The following PI4K2B variants were observed in gnomAD, a reference collection of about 807,000 sequenced individuals.
PI4K2B encodes the protein phosphatidylinositol 4-kinase type 2-beta.
A neutral mutation model predicts 56.6 loss-of-function variants in PI4K2B; 46 were observed. The ratio of observed to expected loss-of-function variants is 0.81; its 90% CI spans 0.64 to 1.04. The LOEUF is 1.04. Ranked by LOEUF, PI4K2B falls within the 50% of genes least tolerant of loss-of-function variation. PI4K2B has a pLI of 0.00. For missense variants in PI4K2B, 556 were observed against 607.7 expected (o/e 0.91, Z 0.89); for synonymous variants, 211 against 223.8 (o/e 0.94, Z 0.51).
At chr4:25,250,438 C>T (rs1413482766) in intron 1 of PI4K2B, 2 of 152,044 alleles carry the variant, frequency 1.3e-5, no homozygotes, top group East Asian at 3.9e-4. Context: ...TATACCAGGG[C>T]CTTTCAGAAG....
At position 25,259,169 on chromosome 4, in the gene PI4K2B, G is replaced by A. The variant is rs760167230; in HGVS notation, c.889G>A (p.Asp297Asn). 1.3e-6 allele frequency: 2 copies of A among 1,570,670 alleles called. No homozygotes were observed. The highest frequency in any genetic ancestry group is 1.4e-5 in the African/African-American group (1 of 73,854). Residue 297 changes from aspartate (D) to asparagine (N), a missense_variant, in exon 5 of 10, where the codon GAT becomes AAT. Asp to Asn is a conservative substitution (Grantham distance 23). Transcript: ENST00000264864. ...ACAATTTGAAAGATTAGTTATTTTGGATTACATCATCAGAAATACAGGTAT... is the reference window on the plus strand; with the variant it reads ...ACAATTTGAAAGATTAGTTATTTTGAATTACATCATCAGAAATACAGGTAT... ...QSQFERLVILDYIIRNTDRGN... is the reference protein window; with the variant it reads ...QSQFERLVILNYIIRNTDRGN...
chr4:25,243,554 G>A (rs1002392375), intron 1 of PI4K2B, among the ~76,000 whole-genome samples: 1 of 152,192 alleles, frequency 6.6e-6, no homozygotes. Flanking sequence ...GAGGTTGCCA[G>A]GTTTAATAAT....
intron 6 of PI4K2B, among the ~76,000 whole-genome samples, chr4:25,261,781 A>C (rs1056477408): frequency 6.6e-5 from 10 of 152,248 alleles, no homozygotes; most frequent in African/African-American, 2.4e-4. Flanking sequence ...CTAGTGACAG[A>C]AAACAGACCA....
At chr4:25,247,952 C>T (rs879446967) in intron 1 of PI4K2B, among the ~76,000 whole-genome samples, 2 of 152,212 alleles carry the variant, frequency 1.3e-5, no homozygotes, top group South Asian at 4.1e-4. Context: ...ACCCTCCTGC[C>T]TCAGTCTCCC....
At chr4:25,264,004 C>A (rs1007064821) in intron 7 of PI4K2B, among the ~76,000 whole-genome samples, 155 bp downstream of exon 7, 18 of 152,140 alleles carry the variant, frequency 1.2e-4, no homozygotes, top group African/African-American at 4.3e-4. Flanking sequence ...CAAATGTATA[C>A]TACAGGGTCT....
chr4:25,257,035 CG>C (rs1294777640), intron 4 of PI4K2B, among the ~76,000 whole-genome samples: 1 of 148,948 alleles, frequency 6.7e-6, no homozygotes, highest in Non-Finnish European at 1.5e-5. Flanking sequence ...GAACTTACCT[CG>C]GGTAAGTTCT....
chr4:25,246,204 T>C (rs561074107), intron 1 of PI4K2B, among the ~76,000 whole-genome samples: 3 of 152,100 alleles, frequency 2.0e-5, no homozygotes, highest in Admixed American at 1.3e-4. Flanking sequence ...GCTTCCACAG[T>C]GTGGAAGGGG....
At position 25,234,063 on chromosome 4, in the gene PI4K2B, C is replaced by G. The variant is rs1284499623; in HGVS notation, c.-101C>G. On this transcript the variant is annotated 5_prime_UTR_variant, in exon 1 of 10. Coordinates refer to ENST00000264864, the MANE Select transcript of PI4K2B (RefSeq NM_018323.4). ...TGCCCGTGCGCTGGTGAGGTGGCGT[C>G]CGTTCTACCCGGTCGCTCCCGTTCC... 2.9e-6 allele frequency: 3 copies of G among 1,025,894 alleles called. No individual in the cohort carries two copies. Among genetic ancestry groups the G allele is most frequent in the Non-Finnish European group, 3.8e-6 (3 of 799,934 alleles). The allele number at this position is 1,025,894 out of a possible 1,614,324, so 63.5% of individuals were successfully genotyped here.
Position 25,269,141 on chromosome 4 carries a change from T to C in PI4K2B, c.1213-3T>C. On this transcript the variant is annotated splice_polypyrimidine_tract_variant and splice_region_variant and intron_variant, in intron 8 of 9. Coordinates refer to ENST00000264864, the MANE Select transcript of PI4K2B (RefSeq NM_018323.4). ...GGAATTGTTTTTTTCCTTTCTATAA[T>C]AGACTGACAAAGGATTTGACAAAGC... 5 of 1,544,444 alleles carry C rather than the reference T, an allele frequency of 3.2e-6. No individual in the cohort carries two copies. The highest frequency in any genetic ancestry group is 1.8e-6 in the Non-Finnish European group (2 of 1,118,536).
chr4:25,240,955 C>T (rs764830482), intron 1 of PI4K2B, among the ~76,000 whole-genome samples: 5 of 152,162 alleles, frequency 3.3e-5, no homozygotes, highest in Admixed American at 6.5e-5. Context: ...TTCCTTCCTA[C>T]TGGTCTTTCC....
chr4:25,237,161 G>A (rs1030069397), intron 1 of PI4K2B, among the ~76,000 whole-genome samples: 12 of 152,222 alleles, frequency 7.9e-5, no homozygotes, highest in Non-Finnish European at 1.6e-4. Flanking sequence ...AAACCATAGT[G>A]TTGTTGGATC....
chr4:25,269,678 C>G (rs1716801900), intron 9 of PI4K2B, among the ~76,000 whole-genome samples: 1 of 150,900 alleles, frequency 6.6e-6, no homozygotes, highest in Non-Finnish European at 1.5e-5. Context: ...CAAATAGTTT[C>G]TTCCCTCTAT....
intron 1 of PI4K2B, among the ~76,000 whole-genome samples, chr4:25,234,942 G>A (rs1715186857): frequency 6.6e-6 from 1 of 152,194 alleles, no homozygotes; most frequent in African/African-American, 2.4e-5. Flanking sequence ...GGGGGCAAAA[G>A]CAGTTGAAAG....
intron 1 of PI4K2B, among the ~76,000 whole-genome samples, chr4:25,242,054 T>C (rs1715548429): frequency 6.6e-6 from 1 of 152,218 alleles, no homozygotes; most frequent in African/African-American, 2.4e-5. Flanking sequence ...CTTAACTGTT[T>C]TAATGTCTTA....
intron 4 of PI4K2B, among the ~76,000 whole-genome samples, chr4:25,257,140 C>G (rs1470770823): frequency 6.6e-6 from 1 of 151,668 alleles, no homozygotes; most frequent in Admixed American, 6.6e-5. Context: ...TTACTGCAGC[C>G]TCGACCTCGT....
At chr4:25,249,163 A>G (rs1485913912) in intron 1 of PI4K2B, among the ~76,000 whole-genome samples, 1 of 152,206 alleles carries the variant, frequency 6.6e-6, no homozygotes, top group African/African-American at 2.4e-5. Context: ...CCAAGGCAGA[A>G]GAATTTTTCT....
In PI4K2B at chr4:25,234,273, A is replaced by G. The variant is rs922603173; in HGVS notation, c.110A>G (p.His37Arg). The change falls in exon 1 of 10, where the codon CAC becomes CGC. Residue 37 changes from histidine to arginine, a missense_variant. By Grantham distance (29) the His-to-Arg change is conservative. Coordinates refer to ENST00000264864, the MANE Select transcript of PI4K2B (RefSeq NM_018323.4). The part of the protein sequence containing the change: ...EPLLPRIAWA[H>R]PRRGAPGSAV... ...CTGCTACCGCGGATCGCCTGGGCCC[A>G]CCCGCGGAGAGGCGCCCCAGGCAGC... 2.8e-6 allele frequency: 4 copies of G among 1,421,360 alleles called. No homozygotes were observed. The highest frequency in any genetic ancestry group is 2.8e-6 in the Non-Finnish European group (3 of 1,083,676). The allele number at this position is 1,421,360 out of a possible 1,614,324, so 88.0% of individuals were successfully genotyped here.
At position 25,234,323 on chromosome 4, in the gene PI4K2B, G is replaced by A; in HGVS notation, c.160G>A (p.Gly54Arg). ...CGCCGTGAGGCTGCTGGACGCTGCC[G>A]GGGAGGAGGGCGAGGCCGGCGACGA... ...GSAVRLLDAAGEEGEAGDEEL... is the reference protein window; with the variant it reads ...GSAVRLLDAAREEGEAGDEEL... The change falls in exon 1 of 10, where the codon GGG (glycine) becomes AGG (arginine). Residue 54 changes from glycine (G) to arginine (R), a missense_variant. Physicochemically the swap from Gly to Arg is moderately radical, Grantham distance 125. Transcript: ENST00000264864. 1.4e-6 allele frequency: 2 copies of A among 1,414,380 alleles called. No individual in the cohort carries two copies. Among genetic ancestry groups the A allele is most frequent in the Admixed American group, 2.7e-5 (1 of 37,486 alleles). The allele number at this position is 1,414,380 out of a possible 1,614,324, so 87.6% of individuals were successfully genotyped here. A position where few individuals can be genotyped will look rare whatever the true frequency, so the allele number is the denominator to read the frequency against.
chr4:25,240,706 G>C (rs1348813232), intron 1 of PI4K2B, among the ~76,000 whole-genome samples: 1 of 152,180 alleles, frequency 6.6e-6, no homozygotes, highest in African/African-American at 2.4e-5. Flanking sequence ...TAAAGGAATA[G>C]GGTATGCTGT....
Sources: allele counts gnomAD v4.1 joint callset (sites outside exome capture counted in the v4.1 genomes callset), GRCh38; gene constraint gnomAD v4.1.1; transcripts MANE v1.5; gene names NCBI Gene and HGNC (gene_info 2026-07-23, HGNC 2026-07-21).